MEFV: variants seen among roughly 807,000 people sequenced by gnomAD.
MEFV encodes the protein pyrin.
MEFV carries 60 observed loss-of-function variants against 62.5 expected under a neutral mutation model. That is an observed-to-expected ratio of 0.96 (90% CI 0.78 to 1.19). The LOEUF (loss-of-function observed/expected upper bound fraction) is 1.19. Ranked by LOEUF, MEFV falls within the 50% of genes most tolerant of loss-of-function variation. The pLI is 0.00. For missense variants in MEFV, 1,169 were observed against 1,004.5 expected (o/e 1.16, Z -2.21); for synonymous variants, 500 against 415.2 (o/e 1.20, Z -2.48).
chr16:3,250,426 T>G (rs1959014540), intron 2 of MEFV, among the ~76,000 whole-genome samples: 1 of 151,662 alleles, frequency 6.6e-6, no homozygotes. Flanking sequence ...CTGGGCAACA[T>G]GGCAAGAGCC....
At position 3,246,444 on chromosome 16, in the gene MEFV, C is replaced by T. The variant is rs1180900097; in HGVS notation, c.1610+81G>A. 5.9e-6 allele frequency: 9 copies of T among 1,533,966 alleles called. No homozygotes were observed. In the African/African-American group the frequency reaches 8.2e-5, roughly 14 times the overall value. Reference sequence around the variant, plus strand: ...AGACCCCGGGGTTGGGAACATCTCCCTCCCAGGTCCCTTCTGGGACTGTCT... The same window carrying T: ...AGACCCCGGGGTTGGGAACATCTCCTTCCCAGGTCCCTTCTGGGACTGTCT... On this transcript the variant is annotated intron_variant, in intron 6 of 9. Transcript: ENST00000219596.
At position 3,242,377 on chromosome 16, in the gene MEFV, A is replaced by AAAG. The variant is rs1958867429; in HGVS notation, c.*761_*763dup. Reference sequence around the variant, plus strand: ...ACTTTGTCTCAAAAAAAAAAAAAAAAAAGAATCATAGGCCGGGCACAGTGG... The same window carrying AAAG: ...ACTTTGTCTCAAAAAAAAAAAAAAAAAAGAAGAATCATAGGCCGGGCACAGTGG... On this transcript the variant is annotated 3_prime_UTR_variant, in exon 10 of 10. Transcript: ENST00000219596. 7.3e-6 allele frequency: 1 copy of AAAG among 136,502 alleles called. No homozygotes were observed. The highest frequency in any genetic ancestry group is 2.8e-5 in the African/African-American group (1 of 35,352). The allele number at this position is 136,502 out of a possible 1,614,324, so 8.5% of individuals were successfully genotyped here.
intron 1 of MEFV, among the ~76,000 whole-genome samples, chr16:3,255,105 T>C (rs1380068053): frequency 6.6e-6 from 1 of 152,128 alleles, no homozygotes; most frequent in African/African-American, 2.4e-5. Context: ...TCATTTGAGG[T>C]CAGGAGTTCG....
At position 3,254,750 on chromosome 16, in the gene MEFV, C is replaced by T. The variant is rs777765016; in HGVS notation, c.318G>A (p.Ala106=). The change falls in exon 2 of 10, where the codon GCG becomes GCA. Residue 106 remains alanine (A), a synonymous_variant. Coordinates refer to ENST00000219596, the MANE Select transcript of MEFV (RefSeq NM_000243.3). ...GCTTGTTCTCCCCCAGGGAGCTGGA[C>T]GCTGCGGAATCATCTGTGCCGTTTT... ...TQENGTDDSA[A]SSSLGENKPR... is the part of the protein sequence containing the mutation. 1.3e-5 allele frequency: 21 copies of T among 1,612,668 alleles called. No homozygotes were observed. In the East Asian group the frequency reaches 3.6e-4, roughly 27 times the overall value.
Position 3,256,432 on chromosome 16 carries a change from C to A in MEFV, c.156G>T (p.Lys52Asn). The A allele has an allele frequency of 6.8e-6, 11 of 1,614,242 alleles. No homozygotes were observed. The highest frequency in any genetic ancestry group is 9.3e-6 in the Non-Finnish European group (11 of 1,180,046). ...RSQIQRARPV[K>N]MATLLVTYYG... ...AGTAGGTGACCAGCAGAGTGGCCAT[C>A]TTCACCGGCCTGGCTCTCTGGATCT... Residue 52 changes from lysine (K) to asparagine (N), a missense_variant, in exon 1 of 10, where the codon AAG becomes AAT. Transcript: ENST00000219596.
chr16:3,254,183 A>T lies in MEFV; in HGVS notation c.885T>A (p.Pro295=). 6.2e-7 allele frequency: 1 copy of T among 1,614,208 alleles called. No homozygotes were observed. Residue 295 remains proline, a synonymous_variant, in exon 2 of 10, where the codon CCT becomes CCA. Coordinates refer to ENST00000219596, the MANE Select transcript of MEFV (RefSeq NM_000243.3). ...CGGTGACCGAATGTTCTGGATTTCC[A>T]GGGCCTTCCTTCAGGTCCGCAGATG... is the stretch of plus-strand genomic sequence containing the variant. ...GGASADLKEG[P]GNPEHSVTGR...
intron 1 of MEFV, among the ~76,000 whole-genome samples, chr16:3,255,496 C>G (rs1959103864): frequency 6.6e-6 from 1 of 152,014 alleles, no homozygotes; most frequent in South Asian, 2.1e-4. Flanking sequence ...CAGGCTCAAG[C>G]AATCCTCTCA....
intron 2 of MEFV, 92 bp downstream of exon 2, chr16:3,254,066 C>T: frequency 6.8e-7 from 1 of 1,464,396 alleles, no homozygotes; most frequent in Non-Finnish European, 9.3e-7. Flanking sequence ...CCCTGGCCTC[C>T]CAAAGCGCTG....
Position 3,254,438 on chromosome 16 carries a change from C to A in MEFV, c.630G>T (p.Ala210=), listed in dbSNP as rs770830323. ...CCCCCGCCAGCCCCTGCAGCCTCCC[C>A]GCGGAGCTGGCGTTTCTGCGCAGCC... The part of the protein sequence containing the change: ...EVRLRRNASS[A]GRLQGLAGGA... The change falls in exon 2 of 10, where the codon GCG becomes GCT. Residue 210 remains alanine (A), a synonymous_variant. Coordinates refer to ENST00000219596, the MANE Select transcript of MEFV (RefSeq NM_000243.3). The A allele has an allele frequency of 1.9e-6, 3 of 1,610,784 alleles. No homozygotes were observed. The highest frequency in any genetic ancestry group is 1.7e-5 in the Admixed American group (1 of 59,838).
intron 1 of MEFV, 23 bp downstream of exon 1, chr16:3,256,285 TGAG>T: frequency 6.2e-7 from 1 of 1,611,416 alleles, no homozygotes. Flanking sequence ...CAGCACTGGA[TGAG>T]GAGGAGGCCT....
Position 3,249,719 on chromosome 16 carries a change from G to T in MEFV, c.972C>A (p.Asp324Glu). Reference sequence around the variant, plus strand: ...TGCAGGAATCACGCACACAGGTACCGTCAACTGGGTCTCCTTCCTGGGCGT... The same window carrying T: ...TGCAGGAATCACGCACACAGGTACCTTCAACTGGGTCTCCTTCCTGGGCGT... The part of the protein sequence containing the change: ...RCHAQEGDPV[D>E]GTCVRDSCSF... Residue 324 changes from aspartate to glutamate, a missense_variant, in exon 3 of 10, where the codon GAC becomes GAA. Transcript: ENST00000219596. 6.2e-7 allele frequency: 1 copy of T among 1,614,022 alleles called. No individual in the cohort carries two copies. Among genetic ancestry groups the T allele is most frequent in the Non-Finnish European group, 8.5e-7 (1 of 1,179,900 alleles).
intron 2 of MEFV, among the ~76,000 whole-genome samples, chr16:3,250,904 A>G (rs1192459332): frequency 6.6e-6 from 1 of 151,070 alleles, no homozygotes; most frequent in Admixed American, 6.6e-5. Flanking sequence ...GGCACCTGTA[A>G]TCCCAGCTAC....
At position 3,254,222 on chromosome 16, in the gene MEFV, AG is replaced by A. The variant is rs1427503485; in HGVS notation, c.845del (p.Thr282IlefsTer10). The A allele has an allele frequency of 6.2e-7, 1 of 1,614,242 alleles. No individual in the cohort carries two copies. Among genetic ancestry groups the A allele is most frequent in the Non-Finnish European group, 8.5e-7 (1 of 1,180,042 alleles). On this transcript the variant is annotated frameshift_variant, in exon 2 of 10. Coordinates refer to ENST00000219596, the MANE Select transcript of MEFV (RefSeq NM_000243.3). LOFTEE classifies it high-confidence loss of function. ...GGTCCGCAGATGCCCCTCCATCCGG[AG>A]TGGGCCTTGCCCGGGGTTCTGTTGC... ...DSATEPRARP[T>X]PDGGASADLK...
intron 6 of MEFV, among the ~76,000 whole-genome samples, chr16:3,246,159 G>C (rs1234657937): frequency 6.6e-6 from 1 of 152,102 alleles, no homozygotes; most frequent in Non-Finnish European, 1.5e-5. Context: ...GCTTAGCCCA[G>C]CTCCACTCCA....
At position 3,254,546 on chromosome 16, in the gene MEFV, C is replaced by G. The variant is rs1959086620; in HGVS notation, c.522G>C (p.Lys174Asn). 1.3e-6 allele frequency: 2 copies of G among 1,557,174 alleles called. No homozygotes were observed. Among genetic ancestry groups the G allele is most frequent in the Non-Finnish European group, 1.7e-6 (2 of 1,154,948 alleles). The change falls in exon 2 of 10, where the codon AAG (lysine) becomes AAC (asparagine). Residue 174 changes from lysine (K) to asparagine (N), a missense_variant. Coordinates refer to ENST00000219596, the MANE Select transcript of MEFV (RefSeq NM_000243.3). The stretch of plus-strand genomic sequence containing the variant: ...GCAGGGCCGGGCTCCGGGTCCGAGG[C>G]TTGCCCTGCGCGTCCAGGCCCTCCG... ...KASEGLDAQG[K>N]PRTRSPALPG...
At position 3,243,656 on chromosome 16, in the gene MEFV, G is replaced by A; in HGVS notation, c.1831C>T (p.Leu611Phe). ...CTCTTCAGATCATCAGAGAAGATGAGGTTGGGGTAAGCGGTTTCTGCATCC... is the reference window on the plus strand; with the variant it reads ...CTCTTCAGATCATCAGAGAAGATGAAGTTGGGGTAAGCGGTTTCTGCATCC... The part of the protein sequence containing the change: ...ILDAETAYPN[L>F]IFSDDLKSVR... The change falls in exon 10 of 10, where the codon CTC becomes TTC. Residue 611 changes from leucine to phenylalanine, a missense_variant. By Grantham distance (22) the Leu-to-Phe change is conservative. Transcript: ENST00000219596. 1.2e-6 allele frequency: 2 copies of A among 1,605,058 alleles called. No individual in the cohort carries two copies. The highest frequency in any genetic ancestry group is 1.7e-6 in the Non-Finnish European group (2 of 1,175,780).
At position 3,243,552 on chromosome 16, in the gene MEFV, A is replaced by T. The variant is rs1958893005; in HGVS notation, c.1935T>A (p.Ser645=). The T allele has an allele frequency of 6.2e-7, 1 of 1,613,458 alleles. No individual in the cohort carries two copies. The highest frequency in any genetic ancestry group is 8.5e-7 in the Non-Finnish European group (1 of 1,179,686). The part of the protein sequence containing the change: ...RFDSCIIVLG[S]PSFLSGRRYW... Reference sequence around the variant, plus strand: ...AACGGCGGCCAGAGAGGAAACTCGGAGAGCCCAGAACAATGATACAGCTGT... The same window carrying T: ...AACGGCGGCCAGAGAGGAAACTCGGTGAGCCCAGAACAATGATACAGCTGT... The change falls in exon 10 of 10, where the codon TCT becomes TCA. Residue 645 remains serine, a synonymous_variant. Coordinates refer to ENST00000219596, the MANE Select transcript of MEFV (RefSeq NM_000243.3).
At position 3,254,264 on chromosome 16, in the gene MEFV, A is replaced by G. The variant is rs761709246; in HGVS notation, c.804T>C (p.Ala268=). ...EILLTLEEKT[A]ANLDSATEPR... Reference sequence around the variant, plus strand: ...GTTCTGTTGCCGAGTCCAGATTCGCAGCTGTCTTTTCCTCTAGAGTCAGGA... The same window carrying G: ...GTTCTGTTGCCGAGTCCAGATTCGCGGCTGTCTTTTCCTCTAGAGTCAGGA... Residue 268 remains alanine, a synonymous_variant, in exon 2 of 10, where the codon GCT becomes GCC. Coordinates refer to ENST00000219596, the MANE Select transcript of MEFV (RefSeq NM_000243.3). 3.1e-6 allele frequency: 5 copies of G among 1,614,114 alleles called. No homozygotes were observed. The South Asian group carries it at 5.5e-5, about 18-fold the overall frequency.
rs1308863589 is a variant in MEFV at position 3,242,451 on chromosome 16, C to A, written c.*690G>T. ...TTGGGAGGCTGAGGCGGGTGGATCA[C>A]CTGAGGTCAGGAGTTCGAGACCAGC... On this transcript the variant is annotated 3_prime_UTR_variant, in exon 10 of 10. Transcript: ENST00000219596. 3 of 157,496 alleles carry A rather than the reference C, an allele frequency of 1.9e-5. No individual in the cohort carries two copies. The highest frequency in any genetic ancestry group is 3.1e-4 in the South Asian group (2 of 6,424). The allele number at this position is 157,496 out of a possible 1,614,324, so 9.8% of individuals were successfully genotyped here.
Sources: allele counts gnomAD v4.1 joint callset (sites outside exome capture counted in the v4.1 genomes callset), GRCh38; gene constraint gnomAD v4.1.1; transcripts MANE v1.5; gene names NCBI Gene and HGNC (gene_info 2026-07-23, HGNC 2026-07-21).